Variants in TRIM37 observed in about 807,000 individuals in gnomAD.
The protein encoded by TRIM37 is E3 ubiquitin-protein ligase TRIM37.
In TRIM37, 80 loss-of-function variants were observed where a neutral mutation model predicts 129.8. The ratio of observed to expected loss-of-function variants is 0.62; its 90% CI spans 0.51 to 0.74. TRIM37 has a LOEUF of 0.74. Ranked by LOEUF, TRIM37 falls within the 30% of genes least tolerant of loss-of-function variation. The pLI, the probability that TRIM37 is intolerant of heterozygous loss-of-function variation, is 0.00. For missense variants in TRIM37, 1,054 were observed against 1,176.5 expected, an observed-to-expected ratio of 0.90 and a Z score of 1.52; for synonymous variants, 389 against 387.1, an observed-to-expected ratio of 1.00 and a Z score of -0.06.
chr17:59,000,138 T>A (rs2033504507), intron 23 of TRIM37, among the ~76,000 whole-genome samples: 1 of 152,228 alleles, frequency 6.6e-6, no homozygotes, highest in Non-Finnish European at 1.5e-5. Context: ...TGACAGTATA[T>A]CCTTTTACTG....
intron 24 of TRIM37, among the ~76,000 whole-genome samples, chr17:58,988,575 A>G (rs2032038393): frequency 6.6e-6 from 1 of 152,152 alleles, no homozygotes; most frequent in Non-Finnish European, 1.5e-5. Context: ...ACCTAGGGAC[A>G]CAGTGCCTAA....
chr17:59,008,299 C>A (rs769331916), intron 22 of TRIM37, among the ~76,000 whole-genome samples: 4 of 152,156 alleles, frequency 2.6e-5, no homozygotes, highest in African/African-American at 9.7e-5. Context: ...TTATTGAGTT[C>A]TAGGTGCTAT....
At chr17:58,973,261 C>CA in the TRIM37 span, among the ~76,000 whole-genome samples, 2 of 151,400 alleles carry the variant, frequency 1.3e-5, no homozygotes, top group Non-Finnish European at 2.9e-5. Flanking sequence ...ATTAAAAATA[C>CA]AAAAAATTAG....
intron 22 of TRIM37, among the ~76,000 whole-genome samples, chr17:59,012,020 C>T (rs1567967212): frequency 6.6e-6 from 1 of 152,096 alleles, no homozygotes; most frequent in Non-Finnish European, 1.5e-5. Context: ...GATTTTTTCC[C>T]CATACAAATG....
At chr17:59,080,016 A>G (rs1837999948) in intron 6 of TRIM37, 139 bp from the exon 7 acceptor site, 2 of 912,032 alleles carry the variant, frequency 2.2e-6, no homozygotes, top group Non-Finnish European at 3.3e-6. Flanking sequence ...CAACTTGCTT[A>G]TATTTCAAAA....
At chr17:59,093,600 G>A (rs937719137) in intron 2 of TRIM37, among the ~76,000 whole-genome samples, 3 of 152,212 alleles carry the variant, frequency 2.0e-5, no homozygotes, top group Middle Eastern at 3.4e-3. Flanking sequence ...CTTATTTGTT[G>A]GTCTCCTTTG....
chr17:59,003,441 GTTC>G (rs1044677428), intron 22 of TRIM37, among the ~76,000 whole-genome samples: 14 of 152,224 alleles, frequency 9.2e-5, no homozygotes, highest in Non-Finnish European at 1.6e-4. Flanking sequence ...TGGAAGGAAG[GTTC>G]TAGGTACAAT....
At chr17:58,989,826 G>A (rs1337003379) in intron 24 of TRIM37, among the ~76,000 whole-genome samples, 1 of 152,114 alleles carries the variant, frequency 6.6e-6, no homozygotes, top group Non-Finnish European at 1.5e-5. Flanking sequence ...TATTCGAAGA[G>A]ATAATGGCTT....
rs1240861739 is a variant in TRIM37, at chr17:59,106,848, A to T, written c.-387T>A. On this transcript the variant is annotated 5_prime_UTR_variant, in exon 1 of 24. Coordinates refer to ENST00000262294, the MANE Select transcript of TRIM37 (RefSeq NM_015294.6). ...ATTCGCAAACACCAACCGTAACCAG[A>T]GCAGCTGGGGGCGCGGCGGCGAGAG... The T allele has an allele frequency of 5.5e-6, 2 of 365,308 alleles. No individual in the cohort carries two copies. The highest frequency in any genetic ancestry group is 1.0e-5 in the Non-Finnish European group (2 of 199,554). 22.6% of individuals were successfully genotyped at this position (365,308 alleles called of 1,614,324 possible).
intron 16 of TRIM37, among the ~76,000 whole-genome samples, chr17:59,044,207 T>G (rs759053308): frequency 7.2e-5 from 11 of 152,064 alleles, no homozygotes; most frequent in Non-Finnish European, 1.2e-4. Flanking sequence ...CTTGGAAAAC[T>G]GAGGTGGGAG....
intron 6 of TRIM37, among the ~76,000 whole-genome samples, chr17:59,080,747 C>T (rs1169606061): frequency 6.6e-6 from 1 of 151,976 alleles, no homozygotes; most frequent in Admixed American, 6.6e-5. Flanking sequence ...GCTGAGATCG[C>T]GCCATTACAC....
At chr17:59,062,451 G>T in intron 11 of TRIM37, 116 bp downstream of exon 11, 1 of 810,810 alleles carries the variant, frequency 1.2e-6, no homozygotes, top group Middle Eastern at 3.1e-4. Context: ...AATGCGGACA[G>T]CATATGTAAC....
intron 22 of TRIM37, among the ~76,000 whole-genome samples, chr17:59,010,762 G>C (rs150979274): frequency 6.6e-6 from 1 of 152,172 alleles, no homozygotes; most frequent in East Asian, 1.9e-4. Context: ...CAAAGTACTG[G>C]GATTACAGGC....
At chr17:59,012,954 T>C (rs1325149574) in intron 21 of TRIM37, among the ~76,000 whole-genome samples, 1 of 152,078 alleles carries the variant, frequency 6.6e-6, no homozygotes, top group Non-Finnish European at 1.5e-5. Flanking sequence ...AATGTTGGTA[T>C]CCTGGTTGTG....
intron 2 of TRIM37, among the ~76,000 whole-genome samples, chr17:59,098,898 A>C (rs1256446330): frequency 6.6e-6 from 1 of 152,134 alleles, no homozygotes; most frequent in African/African-American, 2.4e-5. Context: ...AAAATGGATA[A>C]ATAGGCTAGG....
chr17:58,979,984 A>G, downstream of TRIM37: 1 of 1,612,330 alleles, frequency 6.2e-7, no homozygotes, highest in Non-Finnish European at 8.5e-7. Context: ...GAGATGCTGA[A>G]CATAAGCCAT....
chr17:59,106,393 T>A (rs778267946), intron 1 of TRIM37, 48 bp downstream of exon 1: 1 of 1,612,798 alleles, frequency 6.2e-7, no homozygotes, highest in Admixed American at 1.7e-5. Flanking sequence ...TAAAAACCGC[T>A]CATCGGGTGG....
intron 14 of TRIM37, among the ~76,000 whole-genome samples, chr17:59,050,514 G>A (rs2040232651): frequency 6.6e-6 from 1 of 151,662 alleles, no homozygotes; most frequent in Non-Finnish European, 1.5e-5. Context: ...GCAACATGGA[G>A]AAACCCATCT....
intron 2 of TRIM37, among the ~76,000 whole-genome samples, chr17:59,092,302 G>A (rs2044467213): frequency 6.6e-6 from 1 of 151,796 alleles, no homozygotes; most frequent in African/African-American, 2.4e-5. Context: ...GGGAGGCTGA[G>A]GCAGGAGAAT....
Sources: allele counts gnomAD v4.1 joint callset (sites outside exome capture counted in the v4.1 genomes callset), GRCh38; gene constraint gnomAD v4.1.1; transcripts MANE v1.5; gene names NCBI Gene and HGNC (gene_info 2026-07-23, HGNC 2026-07-21).